The following FAM117B variants were observed in gnomAD, a reference collection of about 807,000 sequenced individuals.
FAM117B encodes family with sequence similarity 117 member B, also known as protein FAM117B.
In FAM117B, 22 loss-of-function variants were observed where a neutral mutation model predicts 52.8. The ratio of observed to expected loss-of-function variants is 0.42; its 90% confidence interval spans 0.30 to 0.59. The LOEUF (loss-of-function observed/expected upper bound fraction) is 0.59. Among genes scored for constraint, FAM117B ranks in the 20% least tolerant of loss-of-function variants. The probability of loss-of-function intolerance (pLI) is 0.22; values close to 1 mark genes in which losing one functional copy is unlikely to be tolerated. For missense variants in FAM117B, 678 were observed against 802.6 expected, an observed-to-expected ratio of 0.84 and a Z score of 1.88; for synonymous variants, 309 against 324.1, an observed-to-expected ratio of 0.95 and a Z score of 0.50.
chr2:202,766,062 ACACACAC>A lies in FAM117B; in HGVS notation c.*299_*305del. ...TGTTTTCGAATTAGACTTCTTTAAAACACACACACACACACACACACACACACACACA... is the reference window on the plus strand; with the variant it reads ...TGTTTTCGAATTAGACTTCTTTAAAAACACACACACACACACACACACACA... On this transcript the variant is annotated 3_prime_UTR_variant, in exon 8 of 8. Coordinates refer to ENST00000392238, the MANE Select transcript of FAM117B (RefSeq NM_173511.4). The A allele has an allele frequency of 2.8e-5, 1 of 35,260 alleles. No individual in the cohort carries two copies. The highest frequency in any genetic ancestry group is 4.6e-5 in the Non-Finnish European group (1 of 21,562). The allele number at this position is 35,260 out of a possible 1,614,324, so 2.2% of individuals were successfully genotyped here. A position where few individuals can be genotyped will look rare whatever the true frequency, so the allele number is the denominator to read the frequency against.
At chr2:202,672,773 G>A (rs1462059780) in intron 1 of FAM117B, among the ~76,000 whole-genome samples, 1 of 152,134 alleles carries the variant, frequency 6.6e-6, no homozygotes, top group African/African-American at 2.4e-5. Context: ...GGTGGCTCAT[G>A]CCTGTAATCC....
At chr2:202,705,828 A>G (rs182831870) in intron 2 of FAM117B, among the ~76,000 whole-genome samples, 23 of 152,296 alleles carry the variant, frequency 1.5e-4, no homozygotes, top group African/African-American at 5.5e-4. Flanking sequence ...GACTATACCA[A>G]TTTAGGGAGA....
chr2:202,676,272 T>C (rs1368491123), intron 1 of FAM117B, among the ~76,000 whole-genome samples: 1 of 152,090 alleles, frequency 6.6e-6, no homozygotes, highest in Non-Finnish European at 1.5e-5. Context: ...CCCCAGCTGA[T>C]ACCTTGGTTG....
intron 2 of FAM117B, among the ~76,000 whole-genome samples, chr2:202,700,870 T>G (rs1010997032): frequency 6.6e-6 from 1 of 152,138 alleles, no homozygotes; most frequent in Non-Finnish European, 1.5e-5. Context: ...TTTTCTTTTT[T>G]AAATGTTTTT....
chr2:202,636,246 G>T (rs571768927), intron 1 of FAM117B, among the ~76,000 whole-genome samples: 2 of 152,232 alleles, frequency 1.3e-5, no homozygotes, highest in South Asian at 4.1e-4. Context: ...AACAGTTTCA[G>T]ATCTGGGGTA....
chr2:202,673,461 T>C (rs1043288505), intron 1 of FAM117B, among the ~76,000 whole-genome samples: 14 of 120,502 alleles, frequency 1.2e-4, no homozygotes, highest in African/African-American at 3.8e-4. Context: ...TTTTTTTTTT[T>C]TTTTGAGACG....
At position 202,720,840 on chromosome 2, in the gene FAM117B, C is replaced by T. The variant is rs545895794; in HGVS notation, c.754-4077C>T. Among the ~76,000 whole-genome samples the T allele has an allele frequency of 6.6e-5, 10 of 152,118 alleles. No individual in the cohort carries two copies. The East Asian group carries it at 1.7e-3, about 26-fold the overall frequency. On this transcript the variant is annotated intron_variant, in intron 2 of 7. Transcript: ENST00000392238. Reference sequence around the variant, plus strand: ...GCAAGTAATTTGCGAGTTTTGGCACCGCACAAATATCCTGTTCTTTAGTAG... The same window carrying T: ...GCAAGTAATTTGCGAGTTTTGGCACTGCACAAATATCCTGTTCTTTAGTAG...
intron 1 of FAM117B, among the ~76,000 whole-genome samples, chr2:202,665,860 C>T (rs1362956026): frequency 6.6e-6 from 1 of 152,184 alleles, no homozygotes; most frequent in Non-Finnish European, 1.5e-5. Context: ...CTTGGCCTCC[C>T]AAAGTGCTGG....
At chr2:202,689,278 C>A (rs1003487467) in intron 1 of FAM117B, among the ~76,000 whole-genome samples, 2 of 151,534 alleles carry the variant, frequency 1.3e-5, no homozygotes, top group South Asian at 4.2e-4. Flanking sequence ...CCATCTCTAC[C>A]TAATATACAA....
chr2:202,682,743 CAG>C (rs1690482034), intron 1 of FAM117B, among the ~76,000 whole-genome samples: 1 of 152,158 alleles, frequency 6.6e-6, no homozygotes, highest in Non-Finnish European at 1.5e-5. Flanking sequence ...AAGTCAGTAA[CAG>C]AAAGATTCTT....
chr2:202,655,761 A>AGTGTGTGTGTGTGTGTGT (rs1182174843), intron 1 of FAM117B, among the ~76,000 whole-genome samples: 6 of 100,366 alleles, frequency 6.0e-5, no homozygotes, highest in African/African-American at 1.7e-4. Flanking sequence ...AGAGAGAGAG[A>AGTGTGTGTGTGTGTGTGT]GTGTGTGTGT....
Position 202,755,555 on chromosome 2 carries a change from T to C in FAM117B, c.978T>C (p.Ser326=). Residue 326 remains serine, a synonymous_variant, in exon 5 of 8, where the codon AGT becomes AGC. Transcript: ENST00000392238. ...TTCTTAAGGCTCCTGTTCCAAAGAGTGCACTTATTCCTGTAATTCCCATCA... is the reference window on the plus strand; with the variant it reads ...TTCTTAAGGCTCCTGTTCCAAAGAGCGCACTTATTCCTGTAATTCCCATCA... ...INQCQAPVPK[S]ALIPVIPITK... The C allele has an allele frequency of 6.2e-7, 1 of 1,613,972 alleles. No individual in the cohort carries two copies. Among genetic ancestry groups the C allele is most frequent in the Non-Finnish European group, 8.5e-7 (1 of 1,179,938 alleles).
intron 1 of FAM117B, among the ~76,000 whole-genome samples, chr2:202,679,959 C>A (rs1328787279): frequency 6.6e-6 from 1 of 151,896 alleles, no homozygotes; most frequent in Non-Finnish European, 1.5e-5. Context: ...GTTCAGTATG[C>A]TCAGAGATTT....
intron 7 of FAM117B, among the ~76,000 whole-genome samples, chr2:202,761,988 G>A (rs1331251694): frequency 6.6e-6 from 1 of 151,918 alleles, no homozygotes; most frequent in African/African-American, 2.4e-5. Context: ...TCGTAACTAA[G>A]TGTGGATATC....
chr2:202,693,288 A>T (rs1450325757), intron 1 of FAM117B, among the ~76,000 whole-genome samples: 1 of 152,178 alleles, frequency 6.6e-6, no homozygotes, highest in East Asian at 1.9e-4. Flanking sequence ...GGTTAGGTGC[A>T]TACTTTTTCC....
rs188189780 is a variant in FAM117B at position 202,635,054 on chromosome 2, C to A, written c.-134C>A. 2,121 of 1,169,698 alleles carry A rather than the reference C, an allele frequency of 1.8e-3. 5 individuals carry two copies. The highest frequency in any genetic ancestry group is 1.9e-3 in the Non-Finnish European group (1,782 of 926,788). The allele number at this position is 1,169,698 out of a possible 1,614,324, so 72.5% of individuals were successfully genotyped here. On this transcript the variant is annotated 5_prime_UTR_variant, in exon 1 of 8. Coordinates refer to ENST00000392238, the MANE Select transcript of FAM117B (RefSeq NM_173511.4). ...GTTGCTGCCTGCCCCGGCCCGGTCTCCCCCTGCACCCCGGAGTCCGGCTTC... is the reference window on the plus strand; with the variant it reads ...GTTGCTGCCTGCCCCGGCCCGGTCTACCCCTGCACCCCGGAGTCCGGCTTC...
intron 4 of FAM117B, among the ~76,000 whole-genome samples, chr2:202,732,748 G>A (rs1415922234): frequency 6.6e-6 from 1 of 152,110 alleles, no homozygotes. Context: ...CTGAACCTGG[G>A]CGGCAGAGGT....
intron 1 of FAM117B, among the ~76,000 whole-genome samples, chr2:202,675,227 T>G (rs1301789264): frequency 7.0e-6 from 1 of 143,408 alleles, no homozygotes; most frequent in Non-Finnish European, 1.5e-5. Flanking sequence ...CCCTGTCTCT[T>G]AAAAAAAAAA....
chr2:202,671,778 C>T (rs1278696931), intron 1 of FAM117B, among the ~76,000 whole-genome samples: 2 of 152,202 alleles, frequency 1.3e-5, no homozygotes, highest in Non-Finnish European at 2.9e-5. Context: ...ACTTTATTTG[C>T]TTTGCATTAG....
Sources: gnomAD v4.1 joint callset for allele counts (sites outside exome capture counted in the v4.1 genomes callset) on GRCh38, gnomAD v4.1.1 for gene constraint, MANE v1.5 for transcripts, NCBI Gene and HGNC (gene_info 2026-07-23, HGNC 2026-07-21) for gene names.